Variants in TNKS observed in about 807,000 individuals in gnomAD.
TNKS encodes poly [ADP-ribose] polymerase tankyrase-1.
Under a neutral mutation model 135.8 loss-of-function variants are expected in TNKS, and 72 were observed. The ratio of observed to expected loss-of-function variants is 0.53; its 90% CI spans 0.44 to 0.64. TNKS has a LOEUF of 0.64. Ranked by LOEUF, TNKS falls within the 30% of genes least tolerant of loss-of-function variation. TNKS has a pLI of 0.00. For synonymous variants in TNKS, 849 were observed against 649.3 expected (o/e 1.31, Z -4.68); for missense variants, 1,769 against 1,674.0 (o/e 1.06, Z -0.99).
At chr8:9,722,080 GA>G (rs1273562754) in intron 12 of TNKS, among the ~76,000 whole-genome samples, 36 of 142,874 alleles carry the variant, frequency 2.5e-4, no homozygotes, top group Non-Finnish European at 2.8e-4. Context: ...GAAAAGAAAA[GA>G]AAAAAATGCC....
At chr8:9,652,246 G>A (rs1003682142) in intron 3 of TNKS, among the ~76,000 whole-genome samples, 2 of 152,176 alleles carry the variant, frequency 1.3e-5, no homozygotes, top group African/African-American at 2.4e-5. Context: ...TCTCTGTAAT[G>A]AGGAAGTGGA....
intron 3 of TNKS, among the ~76,000 whole-genome samples, chr8:9,663,373 C>G (rs1451279717): frequency 7.9e-5 from 12 of 152,186 alleles, no homozygotes; most frequent in Admixed American, 7.8e-4. Context: ...TTGTCAAATA[C>G]AAACACGTGT....
intron 2 of TNKS, among the ~76,000 whole-genome samples, chr8:9,583,299 T>G (rs1166712847): frequency 6.6e-6 from 1 of 152,072 alleles, no homozygotes; most frequent in African/African-American, 2.4e-5. Context: ...GCTTGTATAA[T>G]TAAACAAACT....
chr8:9,615,519 A>T (rs1799608520), intron 2 of TNKS, 63 bp from the exon 3 acceptor site: 2 of 1,368,026 alleles, frequency 1.5e-6, no homozygotes, highest in East Asian at 2.4e-5. Context: ...CCGAGACGAC[A>T]CTTACCAGTA....
intron 3 of TNKS, among the ~76,000 whole-genome samples, chr8:9,647,143 A>G (rs1354117595): frequency 2.0e-5 from 3 of 152,202 alleles, no homozygotes; most frequent in Non-Finnish European, 4.4e-5. Flanking sequence ...TTAAAAAGCA[A>G]CAACCCGCAA....
At chr8:9,713,263 C>G (rs1804425210) in intron 11 of TNKS, among the ~76,000 whole-genome samples, 3 of 152,212 alleles carry the variant, frequency 2.0e-5, no homozygotes. Flanking sequence ...AGTGACATTT[C>G]TGCTACACTT....
At chr8:9,585,359 G>GA (rs569472684) in intron 2 of TNKS, among the ~76,000 whole-genome samples, 2 of 150,872 alleles carry the variant, frequency 1.3e-5, no homozygotes, top group African/African-American at 2.4e-5. Flanking sequence ...GGGGAAAAAA[G>GA]AAAAAAAAGT....
intron 1 of TNKS, among the ~76,000 whole-genome samples, chr8:9,561,937 C>G (rs940251859): frequency 6.6e-6 from 1 of 152,152 alleles, no homozygotes; most frequent in East Asian, 1.9e-4. Context: ...CTGCCTCAGC[C>G]TCCTGAGTAG....
At chr8:9,745,728 T>G (rs1220878675) in intron 17 of TNKS, among the ~76,000 whole-genome samples, 1 of 152,200 alleles carries the variant, frequency 6.6e-6, no homozygotes, top group African/African-American at 2.4e-5. Context: ...TGGGGGCGTT[T>G]TTTGCTTTGT....
intron 3 of TNKS, among the ~76,000 whole-genome samples, chr8:9,651,249 C>G (rs1275015944): frequency 6.6e-6 from 1 of 151,532 alleles, no homozygotes; most frequent in Non-Finnish European, 1.5e-5. Flanking sequence ...TTTTTTTAAT[C>G]TTTAATTGTG....
intron 18 of TNKS, among the ~76,000 whole-genome samples, chr8:9,749,855 G>A (rs551048718): frequency 6.6e-6 from 1 of 152,270 alleles, no homozygotes; most frequent in East Asian, 1.9e-4. Context: ...TTACAGCCAA[G>A]TGGCTTTCTC....
intron 1 of TNKS, among the ~76,000 whole-genome samples, chr8:9,572,794 C>A (rs1041397148): frequency 6.6e-6 from 1 of 152,080 alleles, no homozygotes; most frequent in African/African-American, 2.4e-5. Flanking sequence ...GTTTAGTGGA[C>A]CTTTAGAGAT....
intron 2 of TNKS, among the ~76,000 whole-genome samples, chr8:9,593,523 C>G (rs1384776680): frequency 6.6e-6 from 1 of 152,112 alleles, no homozygotes; most frequent in Non-Finnish European, 1.5e-5. Flanking sequence ...TCATATTTAG[C>G]AAACTTAAGG....
intron 1 of TNKS, among the ~76,000 whole-genome samples, chr8:9,578,341 C>T (rs932325539): frequency 2.0e-5 from 3 of 152,256 alleles, no homozygotes; most frequent in African/African-American, 2.4e-5. Flanking sequence ...ACCTAACATC[C>T]GTAAAGTTCT....
At chr8:9,583,577 C>T (rs529357629) in intron 2 of TNKS, among the ~76,000 whole-genome samples, 41 of 152,080 alleles carry the variant, frequency 2.7e-4, no homozygotes, top group African/African-American at 8.7e-4. Flanking sequence ...CGAACTCTGC[C>T]TCCTGGGTTC....
At chr8:9,730,293 T>C (rs11783635) in intron 13 of TNKS, among the ~76,000 whole-genome samples, 106,583 of 151,856 alleles carry the variant, frequency 0.7, 37,932 homozygotes, top group Admixed American at 0.8. Context: ...AAGTAAAGCC[T>C]AAAAACTAGG....
intron 15 of TNKS, among the ~76,000 whole-genome samples, chr8:9,734,005 A>G (rs536676608): frequency 3.3e-5 from 5 of 152,256 alleles, no homozygotes; most frequent in African/African-American, 1.2e-4. Context: ...TTTTTAAAAA[A>G]CGACCAGATG....
rs1358286027 is a variant in TNKS, at chr8:9,708,493, G to T, written c.1578+1G>T. 1.3e-6 allele frequency: 2 copies of T among 1,588,528 alleles called. No individual in the cohort carries two copies. Among genetic ancestry groups the T allele is most frequent in the East Asian group, 2.3e-5 (1 of 44,106 alleles). ...ACCGCAGTCTCATGAAACAGCACTGGTAAGATTTTATTGTTAATCTATTCC... is the reference window on the plus strand; with the variant it reads ...ACCGCAGTCTCATGAAACAGCACTGTTAAGATTTTATTGTTAATCTATTCC... On this transcript the variant is annotated splice_donor_variant, in intron 9 of 26. Coordinates refer to ENST00000310430, the MANE Select transcript of TNKS (RefSeq NM_003747.3). LOFTEE classifies it high-confidence loss of function.
chr8:9,702,947 C>T (rs556123869), intron 5 of TNKS, among the ~76,000 whole-genome samples: 45 of 151,074 alleles, frequency 3.0e-4, no homozygotes, highest in Admixed American at 5.3e-4. Flanking sequence ...ACCCGGGAGG[C>T]GGAGGTGGCA....
Sources: gnomAD v4.1 joint callset for allele counts (sites outside exome capture counted in the v4.1 genomes callset) on GRCh38, gnomAD v4.1.1 for gene constraint, MANE v1.5 for transcripts, NCBI Gene and HGNC (gene_info 2026-07-23, HGNC 2026-07-21) for gene names.